The following ENPP1 variants were observed in gnomAD, a reference collection of about 807,000 sequenced individuals.
ENPP1 encodes the protein ectonucleotide pyrophosphatase/phosphodiesterase 1, also known as ectonucleotide pyrophosphatase/phosphodiesterase family member 1.
Under a neutral mutation model 122.8 loss-of-function variants are expected in ENPP1, and 73 were observed. That is an observed-to-expected ratio of 0.59 (90% CI 0.49 to 0.72). ENPP1 has a LOEUF of 0.72. ENPP1 is among the 30% of genes least tolerant of loss of function. ENPP1 has a pLI of 0.00. For synonymous variants in ENPP1, 367 were observed against 391.6 expected (o/e 0.94, Z 0.74); for missense variants, 978 against 1,128.1 (o/e 0.87, Z 1.91).
intron 1 of ENPP1, among the ~76,000 whole-genome samples, chr6:131,842,872 G>A (rs556484609): frequency 2.0e-5 from 3 of 152,178 alleles, no homozygotes; most frequent in Non-Finnish European, 2.9e-5. Context: ...GTATTTGAGG[G>A]AATTGGTGAG....
chr6:131,840,292 A>G (rs1781724102), intron 1 of ENPP1, among the ~76,000 whole-genome samples: 1 of 152,254 alleles, frequency 6.6e-6, no homozygotes, highest in Admixed American at 6.5e-5. Flanking sequence ...ATTTCTTCTC[A>G]GATTCCTTGC....
chr6:131,817,632 C>T (rs528099265), intron 1 of ENPP1, among the ~76,000 whole-genome samples: 35 of 151,692 alleles, frequency 2.3e-4, no homozygotes, highest in African/African-American at 6.8e-4. Flanking sequence ...TAAAGGAGAC[C>T]GAGGCAGGAG....
At chr6:131,859,135 A>G (rs1204409390) in intron 7 of ENPP1, among the ~76,000 whole-genome samples, 3 of 152,198 alleles carry the variant, frequency 2.0e-5, no homozygotes, top group Admixed American at 6.5e-5. Flanking sequence ...AATTTAAGCA[A>G]GCCACTTTGC....
chr6:131,884,777 A>T (rs1376755632), intron 22 of ENPP1, among the ~76,000 whole-genome samples, 154 bp from the exon 23 acceptor site: 1 of 152,156 alleles, frequency 6.6e-6, no homozygotes, highest in Non-Finnish European at 1.5e-5. Flanking sequence ...TCTGTCTCTA[A>T]ACAAAAAACA....
rs1781464358 is a variant in ENPP1 at position 131,820,010 on chromosome 6, A to G, written c.240+11735A>G. On this transcript the variant is annotated intron_variant, in intron 1 of 24. Coordinates refer to ENST00000647893, the MANE Select transcript of ENPP1 (RefSeq NM_006208.3). ...AAAACCACAAACTCAGCTGTTCCCCATAAGAAATCTGTTATCAAAGATAAT... is the reference window on the plus strand; with the variant it reads ...AAAACCACAAACTCAGCTGTTCCCCGTAAGAAATCTGTTATCAAAGATAAT... 4 of 556,744 alleles carry G rather than the reference A, an allele frequency of 7.2e-6. No homozygotes were observed. In the East Asian group the frequency reaches 1.4e-4, roughly 19 times the overall value. 34.5% of individuals were successfully genotyped at this position (556,744 alleles called of 1,614,324 possible). A position where few individuals can be genotyped will look rare whatever the true frequency, so the allele number is the denominator to read the frequency against.
At chr6:131,826,869 AG>A (rs1413359429) in intron 1 of ENPP1, 2 of 368,688 alleles carry the variant, frequency 5.4e-6, no homozygotes, top group Non-Finnish European at 1.0e-5. Flanking sequence ...TTTCTCACAT[AG>A]GGGAAAGATA....
intron 4 of ENPP1, among the ~76,000 whole-genome samples, chr6:131,851,795 C>A (rs566979777): frequency 1.3e-5 from 2 of 151,884 alleles, no homozygotes; most frequent in East Asian, 3.9e-4. Context: ...CTTGACAGAA[C>A]CTGACTCTAT....
At position 131,849,988 on chromosome 6, in the gene ENPP1, A is replaced by C. The variant is rs1781860541; in HGVS notation, c.314-2A>C. ...ATCTGACTTATCGTTCAATTTTTTC[A>C]GTTAAAAGTTGCAAAGGTCGCTGTT... On this transcript the variant is annotated splice_acceptor_variant, in intron 2 of 24. Transcript: ENST00000647893. LOFTEE classifies it high-confidence loss of function. 6.2e-7 allele frequency: 1 copy of C among 1,601,842 alleles called. No individual in the cohort carries two copies. Among genetic ancestry groups the C allele is most frequent in the Non-Finnish European group, 8.6e-7 (1 of 1,168,902 alleles).
At chr6:131,888,783 C>T (rs1336530515) in intron 24 of ENPP1, among the ~76,000 whole-genome samples, 1 of 152,140 alleles carries the variant, frequency 6.6e-6, no homozygotes, top group Non-Finnish European at 1.5e-5. Context: ...CAGCTATTCC[C>T]TGCTTCATTA....
intron 1 of ENPP1, among the ~76,000 whole-genome samples, chr6:131,809,928 C>G (rs1781327289): frequency 6.6e-6 from 1 of 152,162 alleles, no homozygotes; most frequent in Non-Finnish European, 1.5e-5. Flanking sequence ...ATGGAAGTGT[C>G]CTAGGACTTA....
intron 9 of ENPP1, among the ~76,000 whole-genome samples, chr6:131,864,095 T>C (rs76539877): frequency 0.018 from 2,761 of 152,282 alleles, 97 homozygotes; most frequent in African/African-American, 0.063. Flanking sequence ...TATTCAATTC[T>C]GCTCAGGAAA....
intron 4 of ENPP1, among the ~76,000 whole-genome samples, chr6:131,851,688 C>T (rs1478698375): frequency 6.6e-6 from 1 of 151,984 alleles, no homozygotes; most frequent in South Asian, 2.1e-4. Flanking sequence ...TTGAGAGAGT[C>T]GATGTGAAAT....
At chr6:131,826,944 C>CA in intron 1 of ENPP1, 1 of 408,080 alleles carries the variant, frequency 2.5e-6, no homozygotes, top group South Asian at 2.3e-5. Flanking sequence ...CAGGATGCTT[C>CA]AGGCAGAGGA....
chr6:131,825,017 G>A (rs564858293), intron 1 of ENPP1, among the ~76,000 whole-genome samples: 4 of 151,804 alleles, frequency 2.6e-5, no homozygotes, highest in South Asian at 4.2e-4. Flanking sequence ...CTGAGATGGC[G>A]CCACTGCACT....
rs547640430 is a variant in ENPP1 at position 131,810,122 on chromosome 6, G to A, written c.240+1847G>A. ...ACCTATTATCTCAGCACTTTGGGAA[G>A]TTGAGGCGGTTCCATTGCTTGAGCC... On this transcript the variant is annotated intron_variant, in intron 1 of 24. Coordinates refer to ENST00000647893, the MANE Select transcript of ENPP1 (RefSeq NM_006208.3). 4.5e-4 allele frequency among the ~76,000 whole-genome samples: 68 copies of A among 152,340 alleles called. 1 individual carries two copies. The highest frequency in any genetic ancestry group is 2.7e-3 in the Admixed American group (41 of 15,302).
At chr6:131,827,691 TCTCA>T (rs1279650752) in intron 1 of ENPP1, 2 of 658,500 alleles carry the variant, frequency 3.0e-6, no homozygotes, top group Non-Finnish European at 5.7e-6. Context: ...TGCGGAATCT[TCTCA>T]CTTTTTCAAA....
At chr6:131,819,994 A>C (rs1355116082) in intron 1 of ENPP1, 2 of 563,600 alleles carry the variant, frequency 3.5e-6, no homozygotes, top group Non-Finnish European at 6.8e-6. Flanking sequence ...CAAAACCACA[A>C]ACTCAGCTGT....
intron 1 of ENPP1, among the ~76,000 whole-genome samples, chr6:131,841,335 T>C (rs896782518): frequency 2.6e-5 from 4 of 152,194 alleles, no homozygotes; most frequent in African/African-American, 9.6e-5. Context: ...CACAGTTCTT[T>C]TTCAGAAAGC....
chr6:131,821,696 C>A (rs1781485935), intron 1 of ENPP1, among the ~76,000 whole-genome samples: 1 of 152,158 alleles, frequency 6.6e-6, no homozygotes, highest in African/African-American at 2.4e-5. Context: ...TGATAACATT[C>A]AGATGTTTTT....
Sources: gnomAD v4.1 joint callset for allele counts (sites outside exome capture counted in the v4.1 genomes callset) on GRCh38, gnomAD v4.1.1 for gene constraint, MANE v1.5 for transcripts, NCBI Gene and HGNC (gene_info 2026-07-23, HGNC 2026-07-21) for gene names.